The following SEPTIN11 variants were observed in gnomAD, a reference collection of about 807,000 sequenced individuals.
SEPTIN11 encodes the protein septin-11.
A neutral mutation model predicts 51.4 loss-of-function variants in SEPTIN11; 25 were observed. The ratio of observed to expected loss-of-function variants is 0.49; its 90% CI spans 0.35 to 0.68. The LOEUF is 0.68. Among genes scored for constraint, SEPTIN11 ranks in the 30% least tolerant of loss-of-function variants. The pLI is 0.00. For missense variants in SEPTIN11, 381 were observed against 520.8 expected (o/e 0.73, Z 2.61); for synonymous variants, 174 against 184.1 (o/e 0.95, Z 0.44).
intron 1 of SEPTIN11, among the ~76,000 whole-genome samples, chr4:76,962,399 C>A (rs1721859863): frequency 6.6e-6 from 1 of 152,224 alleles, no homozygotes. Context: ...CCAGTTCCTG[C>A]TTCTAATAGT....
Position 77,037,626 on chromosome 4 carries a change from A to G in SEPTIN11, c.*3114A>G. ...CTTTTTTGGGGATTGAGGGGCCTAC[A>G]TAACTAGCTGGCCTTACCCCATATC... On this transcript the variant is annotated 3_prime_UTR_variant, in exon 10 of 10. Transcript: ENST00000264893. 1.0e-6 allele frequency: 1 copy of G among 985,592 alleles called. No individual in the cohort carries two copies. Among genetic ancestry groups the G allele is most frequent in the Non-Finnish European group, 1.2e-6 (1 of 829,936 alleles). 61.1% of individuals were successfully genotyped at this position (985,592 alleles called of 1,614,324 possible).
At chr4:76,993,003 T>C (rs1486209171) in intron 1 of SEPTIN11, among the ~76,000 whole-genome samples, 1 of 152,124 alleles carries the variant, frequency 6.6e-6, no homozygotes, top group African/African-American at 2.4e-5. Flanking sequence ...CCAAGGAGTT[T>C]GGATTGGGGA....
At position 77,036,261 on chromosome 4, in the gene SEPTIN11, A is replaced by G; in HGVS notation, c.*1749A>G. 2.0e-6 allele frequency: 2 copies of G among 1,016,574 alleles called. No individual in the cohort carries two copies. Among genetic ancestry groups the G allele is most frequent in the Non-Finnish European group, 2.4e-6 (2 of 849,468 alleles). The allele number at this position is 1,016,574 out of a possible 1,614,324, so 63.0% of individuals were successfully genotyped here. On this transcript the variant is annotated 3_prime_UTR_variant, in exon 10 of 10. Coordinates refer to ENST00000264893, the MANE Select transcript of SEPTIN11 (RefSeq NM_018243.4). ...CAGGTTTAGGAGCTACTGGACCAAC[A>G]TTCTTGTTTTTGCTTTTGTTTTTTT... is the stretch of plus-strand genomic sequence containing the variant.
chr4:77,013,157 C>G (rs1344470638), intron 4 of SEPTIN11, among the ~76,000 whole-genome samples: 2 of 152,126 alleles, frequency 1.3e-5, no homozygotes, highest in Admixed American at 6.5e-5. Context: ...CGGATAATAT[C>G]CAACACTATT....
At chr4:76,958,773 TC>T (rs1454443183) in intron 1 of SEPTIN11, 1 of 798,668 alleles carries the variant, frequency 1.3e-6, no homozygotes, top group Non-Finnish European at 2.0e-6. Flanking sequence ...AGGTTTATAA[TC>T]TTCATACTTT....
chr4:76,988,668 G>A (rs558041883), intron 1 of SEPTIN11, among the ~76,000 whole-genome samples: 21 of 152,284 alleles, frequency 1.4e-4, no homozygotes, highest in Admixed American at 9.2e-4. Context: ...GAGCCATTGC[G>A]CCCAGCCCTA....
rs555207535 is a variant in SEPTIN11, at chr4:77,015,028, A to T, written c.687+11A>T. ...AACGCAACAATGAGTGTAAGTCCTC[A>T]AGTCAAATGGGAACAAGTGATTTTT... On this transcript the variant is annotated intron_variant, in intron 5 of 9. Transcript: ENST00000264893. The T allele has an allele frequency of 6.2e-7, 1 of 1,610,444 alleles. No homozygotes were observed. The highest frequency in any genetic ancestry group is 1.3e-5 in the African/African-American group (1 of 74,932).
At chr4:77,018,169 G>A (rs1461493239) in intron 5 of SEPTIN11, among the ~76,000 whole-genome samples, 3 of 151,908 alleles carry the variant, frequency 2.0e-5, no homozygotes, top group Non-Finnish European at 2.9e-5. Context: ...GCTGGGCACG[G>A]TGACTCACGC....
At position 77,014,777 on chromosome 4, in the gene SEPTIN11, A is replaced by ATTTG. The variant is rs138295919; in HGVS notation, c.526-74_526-71dup. 1.3e-3 allele frequency: 1,809 copies of ATTTG among 1,439,686 alleles called. 17 individuals are homozygous for ATTTG. In the African/African-American group the frequency reaches 0.023, roughly 18 times the overall value. 89.2% of individuals were successfully genotyped at this position (1,439,686 alleles called of 1,614,324 possible). A position where few individuals can be genotyped will look rare whatever the true frequency, so the allele number is the denominator to read the frequency against. On this transcript the variant is annotated intron_variant, in intron 4 of 9. Transcript: ENST00000264893. ...TTTACAGTAAGGTTTTGCAATTTTT[A>ATTTG]TTTGTTTGCTATGTTTTATTCACTT...
chr4:76,998,057 A>G (rs1723856215), intron 2 of SEPTIN11, among the ~76,000 whole-genome samples: 1 of 152,060 alleles, frequency 6.6e-6, no homozygotes, highest in South Asian at 2.1e-4. Flanking sequence ...TGTGTTAAAT[A>G]AGACAATTCA....
intron 3 of SEPTIN11, among the ~76,000 whole-genome samples, chr4:77,006,364 C>T (rs1724478658): frequency 6.6e-6 from 1 of 152,052 alleles, no homozygotes; most frequent in Admixed American, 6.5e-5. Context: ...ATCTTTTGCC[C>T]TTATTTGAGG....
chr4:77,027,535 T>C (rs892921429), intron 7 of SEPTIN11, among the ~76,000 whole-genome samples: 4 of 152,210 alleles, frequency 2.6e-5, no homozygotes, highest in Non-Finnish European at 4.4e-5. Flanking sequence ...TTTTTCTTCA[T>C]GTAAATGGAC....
chr4:76,961,619 G>A (rs560855430), intron 1 of SEPTIN11, among the ~76,000 whole-genome samples: 4 of 152,260 alleles, frequency 2.6e-5, no homozygotes, highest in East Asian at 3.9e-4. Flanking sequence ...ATTAGCCTGC[G>A]GTTGTGCAAA....
At chr4:77,026,107 T>G (rs567738793) in intron 7 of SEPTIN11, among the ~76,000 whole-genome samples, 16 of 152,196 alleles carry the variant, frequency 1.1e-4, no homozygotes, top group Non-Finnish European at 1.5e-4. Flanking sequence ...AACTGAGTTG[T>G]GATTCATAGT....
In SEPTIN11 at chr4:77,019,122, A is replaced by C. The variant is rs1371266526; in HGVS notation, c.688-43A>C. The C allele has an allele frequency of 3.2e-6, 5 of 1,561,428 alleles. No individual in the cohort carries two copies. The South Asian group carries it at 4.6e-5, about 15-fold the overall frequency. ...AGAGACTGGTGGAAACCAGTCTGTC[A>C]GAGCAGGGGAAAGTAACTATTCTCT... On this transcript the variant is annotated intron_variant, in intron 5 of 9. Coordinates refer to ENST00000264893, the MANE Select transcript of SEPTIN11 (RefSeq NM_018243.4).
chr4:76,964,024 A>G (rs371113640), intron 1 of SEPTIN11, among the ~76,000 whole-genome samples: 10 of 152,054 alleles, frequency 6.6e-5, no homozygotes, highest in Admixed American at 3.9e-4. Context: ...TCATTGTTCA[A>G]TTCCTACCTA....
At chr4:77,028,370 T>G (rs181934605) in intron 7 of SEPTIN11, among the ~76,000 whole-genome samples, 2 of 152,226 alleles carry the variant, frequency 1.3e-5, no homozygotes, top group African/African-American at 4.8e-5. Flanking sequence ...TATGAATATA[T>G]GTAAGATAAA....
At chr4:77,006,587 G>A (rs1379312683) in intron 3 of SEPTIN11, among the ~76,000 whole-genome samples, 1 of 152,132 alleles carries the variant, frequency 6.6e-6, no homozygotes, top group African/African-American at 2.4e-5. Context: ...TTGTAGAATG[G>A]GGCTTCCAGA....
chr4:76,953,989 G>C (rs561419930), intron 1 of SEPTIN11, among the ~76,000 whole-genome samples: 2 of 152,250 alleles, frequency 1.3e-5, no homozygotes, highest in East Asian at 1.9e-4. Flanking sequence ...AAACCAAACT[G>C]TGTGCCTGAA....
Sources: allele counts gnomAD v4.1 joint callset (sites outside exome capture counted in the v4.1 genomes callset), GRCh38; gene constraint gnomAD v4.1.1; transcripts MANE v1.5; gene names NCBI Gene and HGNC (gene_info 2026-07-23, HGNC 2026-07-21).